The following GUF1 variants were observed in gnomAD, a reference collection of about 807,000 sequenced individuals.
The protein encoded by GUF1 is translation factor GUF1, mitochondrial.
A neutral mutation model predicts 82.4 loss-of-function variants in GUF1; 78 were observed. The observed-to-expected ratio is 0.95, with a 90% CI of 0.79 to 1.14. The LOEUF is 1.14. GUF1 is among the 50% of genes most tolerant of loss of function. GUF1 has a pLI of 0.00. For missense variants in GUF1, 814 were observed against 798.2 expected, an observed-to-expected ratio of 1.02 and a Z score of -0.24; for synonymous variants, 279 against 282.3, an observed-to-expected ratio of 0.99 and a Z score of 0.12.
intron 12 of GUF1, among the ~76,000 whole-genome samples, chr4:44,691,441 C>G (rs1356226892): frequency 1.3e-5 from 2 of 151,616 alleles, no homozygotes; most frequent in Admixed American, 6.6e-5. Flanking sequence ...TATGTAGTTA[C>G]ATTTGATTTA....
chr4:44,697,515 A>C (rs1178988045), intron 16 of GUF1, 71 bp downstream of exon 16: 1 of 718,570 alleles, frequency 1.4e-6, no homozygotes, highest in Non-Finnish European at 2.2e-6. Context: ...GCATAAACTT[A>C]TTGATTTCCA....
chr4:44,690,856 G>A lies in GUF1; in HGVS notation c.1475G>A (p.Cys492Tyr). 6.3e-7 allele frequency: 1 copy of A among 1,596,892 alleles called. No individual in the cohort carries two copies. Among genetic ancestry groups the A allele is most frequent in the Non-Finnish European group, 8.5e-7 (1 of 1,171,018 alleles). ...DEYTGKIMML[C>Y]EARRAVQKNM... ...TACACTGGAAAAATAATGATGCTTT[G>A]CGAGGTATAACTATAATACAATTTA... Residue 492 changes from cysteine (C) to tyrosine (Y), a missense_variant, in exon 12 of 17, where the codon TGC (cysteine) becomes TAC (tyrosine). Coordinates refer to ENST00000281543, the MANE Select transcript of GUF1 (RefSeq NM_021927.3).
intron 13 of GUF1, 117 bp from the exon 14 acceptor site, chr4:44,694,295 A>G (rs1013207646): frequency 4.9e-6 from 3 of 617,798 alleles, no homozygotes; most frequent in Admixed American, 3.3e-5. Context: ...TGATGGAAAC[A>G]TATCTCTTTG....
At chr4:44,694,643 GCTTT>G (rs1267649069) in intron 14 of GUF1, 130 bp downstream of exon 14, 2 of 608,878 alleles carry the variant, frequency 3.3e-6, no homozygotes, top group Non-Finnish European at 5.8e-6. Context: ...TACTAACTTT[GCTTT>G]CTCTTTTTTT....
At chr4:44,695,796 A>T in intron 15 of GUF1, 62 bp downstream of exon 15, 1 of 1,498,030 alleles carries the variant, frequency 6.7e-7, no homozygotes, top group South Asian at 1.2e-5. Context: ...TAAAAAGTGA[A>T]AGAATATTGA....
At chr4:44,693,162 T>C (rs372937106) in intron 13 of GUF1, among the ~76,000 whole-genome samples, 12 of 152,038 alleles carry the variant, frequency 7.9e-5, no homozygotes, top group African/African-American at 1.2e-4. Flanking sequence ...AAAAAACTTA[T>C]TTCATACCAG....
In GUF1 at chr4:44,700,122, A is replaced by G. The variant is rs530367221; in HGVS notation, c.*1441A>G. On this transcript the variant is annotated 3_prime_UTR_variant, in exon 17 of 17. Coordinates refer to ENST00000281543, the MANE Select transcript of GUF1 (RefSeq NM_021927.3). ...AAAATGTCTTTTAGGGATAAACACTATCAAGGATGAATTTTATACTAAGGT... is the reference window on the plus strand; with the variant it reads ...AAAATGTCTTTTAGGGATAAACACTGTCAAGGATGAATTTTATACTAAGGT... 2 of 152,336 alleles carry G rather than the reference A, an allele frequency of 1.3e-5. No homozygotes were observed. Among genetic ancestry groups the G allele is most frequent in the Admixed American group, 6.5e-5 (1 of 15,302 alleles). 9.4% of individuals were successfully genotyped at this position (152,336 alleles called of 1,614,324 possible). A position where few individuals can be genotyped will look rare whatever the true frequency, so the allele number is the denominator to read the frequency against.
Position 44,690,754 on chromosome 4 carries a change from C to A in GUF1, c.1373C>A (p.Ala458Glu). The change falls in exon 12 of 17, where the codon GCA becomes GAA. Residue 458 changes from alanine (A) to glutamate (E), a missense_variant. By Grantham distance (107) the Ala-to-Glu change is moderately radical (BLOSUM62 -1). Coordinates refer to ENST00000281543, the MANE Select transcript of GUF1 (RefSeq NM_021927.3). ...REKEITIINP[A>E]QFPDKSKVTE... ...AAAGAAATTACAATTATCAATCCTG[C>A]ACAATTCCCCGATAAATCAAAAGTA... 6.3e-7 allele frequency: 1 copy of A among 1,592,154 alleles called. No homozygotes were observed. Among genetic ancestry groups the A allele is most frequent in the Non-Finnish European group, 8.6e-7 (1 of 1,161,688 alleles).
rs1168184991 is a variant in GUF1 at position 44,699,771 on chromosome 4, T to C, written c.*1090T>C. On this transcript the variant is annotated 3_prime_UTR_variant, in exon 17 of 17. Transcript: ENST00000281543. ...TTATAGATTTTATCAGGTGGTTAGTTTGAAACTAAATGGTTTACATCTAAA... is the reference window on the plus strand; with the variant it reads ...TTATAGATTTTATCAGGTGGTTAGTCTGAAACTAAATGGTTTACATCTAAA... The C allele has an allele frequency of 1.3e-5, 2 of 152,236 alleles. No homozygotes were observed. The highest frequency in any genetic ancestry group is 4.8e-5 in the African/African-American group (2 of 41,466). The allele number at this position is 152,236 out of a possible 1,614,324, so 9.4% of individuals were successfully genotyped here. A position where few individuals can be genotyped will look rare whatever the true frequency, so the allele number is the denominator to read the frequency against.
At chr4:44,696,295 T>A (rs1444884527) in intron 15 of GUF1, among the ~76,000 whole-genome samples, 5 of 152,090 alleles carry the variant, frequency 3.3e-5, no homozygotes, top group Non-Finnish European at 7.3e-5. Flanking sequence ...TCATGAAATG[T>A]AATACATAAA....
At chr4:44,695,924 G>T (rs1265402223) in intron 15 of GUF1, among the ~76,000 whole-genome samples, 190 bp downstream of exon 15, 1 of 152,132 alleles carries the variant, frequency 6.6e-6, no homozygotes, top group Non-Finnish European at 1.5e-5. Context: ...TAACAGCACT[G>T]GGTGATGTGA....
intron 12 of GUF1, among the ~76,000 whole-genome samples, chr4:44,691,181 A>T (rs919920213): frequency 2.0e-5 from 3 of 151,732 alleles, no homozygotes; most frequent in African/African-American, 7.2e-5. Flanking sequence ...TTCAGGGACC[A>T]TAAATTTGAA....
rs777788128 is a variant in GUF1 at position 44,690,824 on chromosome 4, A to T, written c.1443A>T (p.Pro481=). Residue 481 remains proline (P), a synonymous_variant, in exon 12 of 17, where the codon CCA becomes CCT. Transcript: ENST00000281543. The part of the protein sequence containing the change: ...EPVVLGTIIT[P]DEYTGKIMML... ...TTGTTTTGGGCACTATTATCACACC[A>T]GATGAATACACTGGAAAAATAATGA... The T allele has an allele frequency of 3.1e-6, 5 of 1,598,404 alleles. No homozygotes were observed. The highest frequency in any genetic ancestry group is 2.3e-5 in the South Asian group (2 of 88,226).
In GUF1 at chr4:44,698,492, T is replaced by G; in HGVS notation, c.1873-52T>G. On this transcript the variant is annotated intron_variant, in intron 16 of 16. Coordinates refer to ENST00000281543, the MANE Select transcript of GUF1 (RefSeq NM_021927.3). ...TACTGATGCCGCTGTAATCATATGA[T>G]TGTTTCTCTTTAGAGTGACTTAGAC... 3.5e-6 allele frequency: 5 copies of G among 1,410,658 alleles called. No homozygotes were observed. In the South Asian group the frequency reaches 6.5e-5, roughly 18 times the overall value. The allele number at this position is 1,410,658 out of a possible 1,614,324, so 87.4% of individuals were successfully genotyped here.
At chr4:44,681,382 G>C (rs577201652) in intron 4 of GUF1, among the ~76,000 whole-genome samples, 179 bp downstream of exon 4, 1 of 151,922 alleles carries the variant, frequency 6.6e-6, no homozygotes, top group Non-Finnish European at 1.5e-5. Context: ...TTACAATAAA[G>C]CATTCTCTGG....
At position 44,700,909 on chromosome 4, in the gene GUF1, AT is replaced by A. The variant is rs1187843428; in HGVS notation, c.*2230del. 5 of 152,214 alleles carry A rather than the reference AT, an allele frequency of 3.3e-5. No homozygotes were observed. Among genetic ancestry groups the A allele is most frequent in the African/African-American group, 1.2e-4 (5 of 41,460 alleles). The allele number at this position is 152,214 out of a possible 1,614,324, so 9.4% of individuals were successfully genotyped here. A position where few individuals can be genotyped will look rare whatever the true frequency, so the allele number is the denominator to read the frequency against. ...TATTTTGAAAATGACAGTATTTGAA[AT>A]TAAAAAATTGTAAAAGTGTTCTGTT... is the stretch of plus-strand genomic sequence containing the variant. On this transcript the variant is annotated 3_prime_UTR_variant, in exon 17 of 17. Transcript: ENST00000281543.
At chr4:44,694,362 TA>T (rs1715642953) in intron 13 of GUF1, 49 bp from the exon 14 acceptor site, 2 of 1,049,876 alleles carry the variant, frequency 1.9e-6, no homozygotes, top group Non-Finnish European at 3.0e-6. Context: ...GTAATAAAGG[TA>T]ATCTCTCAGG....
intron 1 of GUF1, 147 bp from the exon 2 acceptor site, chr4:44,680,294 A>G: frequency 3.9e-6 from 2 of 517,270 alleles, no homozygotes; most frequent in South Asian, 3.4e-5. Context: ...TTAGCCATAC[A>G]TGTCTTTTTC....
intron 9 of GUF1, among the ~76,000 whole-genome samples, chr4:44,688,434 A>C (rs1715206316): frequency 6.6e-6 from 1 of 151,874 alleles, no homozygotes; most frequent in African/African-American, 2.4e-5. Context: ...GGAGTTCATT[A>C]TTATATTTGA....
Sources: gnomAD v4.1 joint callset for allele counts (sites outside exome capture counted in the v4.1 genomes callset) on GRCh38, gnomAD v4.1.1 for gene constraint, MANE v1.5 for transcripts, NCBI Gene and HGNC (gene_info 2026-07-23, HGNC 2026-07-21) for gene names.